Variants in IPO7 observed in about 807,000 individuals in gnomAD.
IPO7 encodes importin 7.
A neutral mutation model predicts 136.4 loss-of-function variants in IPO7; 13 were observed. That is an observed-to-expected ratio of 0.10 (90% CI 0.06 to 0.15). IPO7 has a LOEUF of 0.15. Among genes scored for constraint, IPO7 ranks in the 10% least tolerant of loss-of-function variants. IPO7 has a pLI of 1.00. For missense variants in IPO7, 857 were observed against 1,240.6 expected (o/e 0.69, Z 4.65); for synonymous variants, 403 against 404.4 (o/e 1.00, Z 0.04).
intron 12 of IPO7, 186 bp downstream of exon 12, chr11:9,425,448 G>C (rs1855189855): frequency 3.7e-6 from 2 of 545,900 alleles, no homozygotes; most frequent in South Asian, 4.8e-5. Context: ...TCTCTATAAG[G>C]ATAAAAAATA....
At chr11:9,429,361 C>T (rs1855260532) in intron 14 of IPO7, among the ~76,000 whole-genome samples, 165 bp downstream of exon 14, 1 of 151,918 alleles carries the variant, frequency 6.6e-6, no homozygotes, top group Admixed American at 6.6e-5. Flanking sequence ...TAAAAATTAA[C>T]TGGACATAGT....
At chr11:9,397,658 A>G (rs1337666982) in intron 1 of IPO7, among the ~76,000 whole-genome samples, 1 of 151,906 alleles carries the variant, frequency 6.6e-6, no homozygotes, top group African/African-American at 2.4e-5. Context: ...GAGATTGTAT[A>G]CGCAAAACCA....
At chr11:9,400,309 T>G (rs2133727366) in intron 1 of IPO7, among the ~76,000 whole-genome samples, 1 of 152,350 alleles carries the variant, frequency 6.6e-6, no homozygotes, top group East Asian at 1.9e-4. Flanking sequence ...TTGGTTATCT[T>G]GTTTTTCTTG....
intron 1 of IPO7, among the ~76,000 whole-genome samples, chr11:9,390,220 C>T (rs994122185): frequency 4.5e-4 from 68 of 151,912 alleles, no homozygotes; most frequent in African/African-American, 1.6e-3. Flanking sequence ...GGCAGCAGTG[C>T]TACTTTCTCA....
rs374486390 is a variant in IPO7, at chr11:9,384,834, G to A, written c.71G>A (p.Arg24His). 1.2e-6 allele frequency: 2 copies of A among 1,600,782 alleles called. No homozygotes were observed. Among genetic ancestry groups the A allele is most frequent in the African/African-American group, 1.3e-5 (1 of 74,456 alleles). The change falls in exon 1 of 25, where the codon CGC becomes CAC. Residue 24 changes from arginine to histidine, a missense_variant. Transcript: ENST00000379719. ...CCAGCCCTGCGTGAGGCCGCGGAGC[G>A]CCAGCTCAATGAAGTAAGGACGCCC... Reference protein sequence around the residue: ...MDPALREAAERQLNEAHKSLN... With the variant: ...MDPALREAAEHQLNEAHKSLN...
chr11:9,419,282 G>A (rs1417413567), intron 6 of IPO7, among the ~76,000 whole-genome samples: 2 of 152,078 alleles, frequency 1.3e-5, no homozygotes, highest in Admixed American at 6.6e-5. Flanking sequence ...GGGCGTGGTG[G>A]CTTACGCCTG....
chr11:9,417,214 A>G, intron 6 of IPO7, 66 bp downstream of exon 6: 1 of 697,712 alleles, frequency 1.4e-6, no homozygotes, highest in South Asian at 2.0e-5. Flanking sequence ...GAAGACTTTA[A>G]CTGGTGTTTC....
At chr11:9,403,216 T>G (rs1028078994) in intron 1 of IPO7, 74 bp from the exon 2 acceptor site, 5 of 985,644 alleles carry the variant, frequency 5.1e-6, no homozygotes, top group Non-Finnish European at 8.0e-6. Context: ...GGAAATGTAT[T>G]GGAGCCTCTT....
intron 15 of IPO7, among the ~76,000 whole-genome samples, chr11:9,430,082 C>G (rs573010857): frequency 1.3e-5 from 2 of 152,244 alleles, no homozygotes; most frequent in African/African-American, 2.4e-5. Context: ...TCCTTGAATG[C>G]ACATTTCACA....
At position 9,427,329 on chromosome 11, in the gene IPO7, C is replaced by G. The variant is rs529812167; in HGVS notation, c.1336-1211C>G. 3.9e-5 allele frequency among the ~76,000 whole-genome samples: 6 copies of G among 152,206 alleles called. No individual in the cohort carries two copies. In the South Asian group the frequency reaches 1.0e-3, roughly 26 times the overall value. ...AGGTTGGAGTGCAGTGGCGTGATCT[C>G]TGCTTACTACAACCTCCACCTCCTG... is the stretch of plus-strand genomic sequence containing the variant. On this transcript the variant is annotated intron_variant, in intron 12 of 24. Coordinates refer to ENST00000379719, the MANE Select transcript of IPO7 (RefSeq NM_006391.3).
At chr11:9,405,173 T>G (rs573759697) in intron 2 of IPO7, among the ~76,000 whole-genome samples, 4 of 152,146 alleles carry the variant, frequency 2.6e-5, no homozygotes, top group South Asian at 2.1e-4. Flanking sequence ...GCTCCATCTT[T>G]TTTTTGTTTT....
Position 9,436,336 on chromosome 11 carries a change from T to C in IPO7, c.2238T>C (p.Ile746=). 2 of 1,613,722 alleles carry C rather than the reference T, an allele frequency of 1.2e-6. No homozygotes were observed. Among genetic ancestry groups the C allele is most frequent in the Non-Finnish European group, 1.7e-6 (2 of 1,179,678 alleles). The change falls in exon 20 of 25, where the codon ATT becomes ATC. Residue 746 remains isoleucine (I), a synonymous_variant. Transcript: ENST00000379719. The stretch of plus-strand genomic sequence containing the variant: ...CAGCAAAATTGTTAGAGGTCATCAT[T>C]CTGCAGTGCAAAGGGCGTGGCATTG... ...CHAAKLLEVI[I]LQCKGRGIDQ... is the part of the protein sequence containing the mutation.
chr11:9,443,895 G>A (rs370262748), intron 24 of IPO7, among the ~76,000 whole-genome samples: 7 of 152,002 alleles, frequency 4.6e-5, no homozygotes, highest in East Asian at 3.9e-4. Context: ...GTGAGACCCC[G>A]TCTCCAAAAA....
At chr11:9,425,511 C>T (rs1027508062) in intron 12 of IPO7, among the ~76,000 whole-genome samples, 3 of 151,820 alleles carry the variant, frequency 2.0e-5, no homozygotes, top group Non-Finnish European at 2.9e-5. Context: ...GAGGCCAGGG[C>T]GGGGGGATCA....
Position 9,403,330 on chromosome 11 carries a change from TTAC to T in IPO7, c.128_130del (p.Thr43del). The T allele has an allele frequency of 6.2e-7, 1 of 1,613,946 alleles. No homozygotes were observed. Among genetic ancestry groups the T allele is most frequent in the Non-Finnish European group, 8.5e-7 (1 of 1,179,872 alleles). ...AATTTTGTCTCAACACTGCTCCAGATTACTATGTCGGAACAGCTGGATTTACCT... is the reference window on the plus strand; with the variant it reads ...AATTTTGTCTCAACACTGCTCCAGATTATGTCGGAACAGCTGGATTTACCT... On this transcript the variant is annotated inframe_deletion, in exon 2 of 25. Coordinates refer to ENST00000379719, the MANE Select transcript of IPO7 (RefSeq NM_006391.3).
intron 12 of IPO7, among the ~76,000 whole-genome samples, chr11:9,425,674 G>A (rs1855194081): frequency 6.6e-6 from 1 of 152,096 alleles, no homozygotes; most frequent in South Asian, 2.1e-4. Context: ...AGGAGATCGA[G>A]ACCATCCTGG....
intron 10 of IPO7, 27 bp downstream of exon 10, chr11:9,423,903 C>A: frequency 7.6e-7 from 1 of 1,314,222 alleles, no homozygotes; most frequent in Admixed American, 1.8e-5. Context: ...TTTTTAGAAA[C>A]AAAAAATGTC....
rs1357131704 is a variant in IPO7, at chr11:9,433,816, T to C, written c.2044T>C (p.Phe682Leu). ...GCTACTACCCCTTGTATTTGAAGTC[T>C]TTCAGCAAGATGGCTTTGATTACTT... The part of the protein sequence containing the change: ...WQLLPLVFEV[F>L]QQDGFDYFTD... The change falls in exon 18 of 25, where the codon TTT becomes CTT. Residue 682 changes from phenylalanine to leucine, a missense_variant. By Grantham distance (22) the Phe-to-Leu change is conservative. This residue lies in a region of IPO7 where 190 missense variants were observed against 249.0 expected (regional missense o/e 0.76). Transcript: ENST00000379719. 3 of 1,611,508 alleles carry C rather than the reference T, an allele frequency of 1.9e-6. No individual in the cohort carries two copies. Among genetic ancestry groups the C allele is most frequent in the East Asian group, 2.2e-5 (1 of 44,896 alleles).
intron 24 of IPO7, among the ~76,000 whole-genome samples, chr11:9,444,724 A>G (rs1427959812): frequency 2.0e-5 from 3 of 151,200 alleles, no homozygotes; most frequent in African/African-American, 7.3e-5. Flanking sequence ...AGTCCCAGCT[A>G]CTTGGGAGGC....
Sources: gnomAD v4.1 joint callset for allele counts (sites outside exome capture counted in the v4.1 genomes callset) on GRCh38, gnomAD v4.1.1 for gene constraint, gnomAD v4.1.1 regional missense constraint, MANE v1.5 for transcripts, NCBI Gene and HGNC (gene_info 2026-07-23, HGNC 2026-07-21) for gene names.